SMYD3: variants seen among roughly 807,000 people sequenced by gnomAD.
The protein encoded by SMYD3 is histone-lysine N-methyltransferase SMYD3.
SMYD3 carries 36 observed loss-of-function variants against 57.7 expected under a neutral mutation model. The observed-to-expected ratio is 0.62, with a 90% CI of 0.48 to 0.82. The LOEUF is 0.82. SMYD3 is among the 40% of genes least tolerant of loss of function. The probability of loss-of-function intolerance (pLI) is 0.00; values close to 1 mark genes in which losing one functional copy is unlikely to be tolerated. For synonymous variants in SMYD3, 211 were observed against 195.0 expected (o/e 1.08, Z -0.68); for missense variants, 515 against 538.8 (o/e 0.96, Z 0.44).
chr1:245,850,630 A>G (rs9660049), intron 10 of SMYD3, among the ~76,000 whole-genome samples: 152,032 of 152,360 alleles, frequency 1, 75,854 homozygotes, highest in Middle Eastern at 1. Flanking sequence ...GAGCCCAGGA[A>G]GTAAACACTG....
chr1:246,051,437 T>C (rs67541391), intron 5 of SMYD3, among the ~76,000 whole-genome samples: 25,129 of 152,086 alleles, frequency 0.17, 2,575 homozygotes, highest in East Asian at 0.39. Flanking sequence ...AACTTATTTT[T>C]TAATATAACA....
intron 3 of SMYD3, among the ~76,000 whole-genome samples, chr1:246,335,091 T>C (rs546462955): frequency 1.8e-4 from 27 of 152,350 alleles, no homozygotes; most frequent in African/African-American, 6.0e-4. Context: ...CTAATGATCC[T>C]TAGCAGTTTT....
chr1:246,237,454 A>G (rs2063530607), intron 5 of SMYD3, among the ~76,000 whole-genome samples: 1 of 152,202 alleles, frequency 6.6e-6, no homozygotes, highest in South Asian at 2.1e-4. Flanking sequence ...GGGCTGCTGG[A>G]AATTCAAGGG....
chr1:246,293,293 G>T (rs551796475), intron 5 of SMYD3, among the ~76,000 whole-genome samples: 1 of 152,134 alleles, frequency 6.6e-6, no homozygotes, highest in East Asian at 1.9e-4. Context: ...TCATTCGCTT[G>T]CTACCTCATC....
At chr1:246,350,258 A>G (rs540499081) in intron 2 of SMYD3, among the ~76,000 whole-genome samples, 52 of 152,206 alleles carry the variant, frequency 3.4e-4, no homozygotes, top group Non-Finnish European at 6.0e-4. Context: ...TCTCTACTCC[A>G]TAACAGAAGC....
chr1:246,169,040 C>T (rs1329174196), intron 5 of SMYD3, among the ~76,000 whole-genome samples: 1 of 152,090 alleles, frequency 6.6e-6, no homozygotes. Flanking sequence ...TTTTACATTG[C>T]TTTAATATGA....
At chr1:246,363,518 T>G (rs927989486) in intron 1 of SMYD3, among the ~76,000 whole-genome samples, 3 of 152,202 alleles carry the variant, frequency 2.0e-5, no homozygotes, top group Non-Finnish European at 4.4e-5. Flanking sequence ...ATCGGATGGT[T>G]GCCGTGTCTG....
In SMYD3 at chr1:246,306,984, T is replaced by A. The variant is rs184319684; in HGVS notation, c.531+20217A>T. 3.2e-3 allele frequency among the ~76,000 whole-genome samples: 468 copies of A among 146,910 alleles called. 17 individuals are homozygous for A. The highest frequency in any genetic ancestry group is 0.021 in the East Asian group (92 of 4,458). On this transcript the variant is annotated intron_variant, in intron 5 of 11. Coordinates refer to ENST00000490107, the MANE Select transcript of SMYD3 (RefSeq NM_001167740.2). The stretch of plus-strand genomic sequence containing the variant: ...AAACATAGGGGAGGATGGGTTTTTC[T>A]TAAGAATGAAAAAAAAAACAACTCA...
At chr1:246,191,484 T>C (rs189389473) in intron 5 of SMYD3, among the ~76,000 whole-genome samples, 1 of 152,310 alleles carries the variant, frequency 6.6e-6, no homozygotes, top group African/African-American at 2.4e-5. Context: ...AAATTAGTCA[T>C]GTAACTGAAA....
intron 1 of SMYD3, among the ~76,000 whole-genome samples, chr1:246,409,604 T>C (rs557524632): frequency 6.6e-6 from 1 of 152,340 alleles, no homozygotes; most frequent in Non-Finnish European, 1.5e-5. Context: ...TGAAGTCAGG[T>C]AGCCTGATGC....
intron 5 of SMYD3, among the ~76,000 whole-genome samples, chr1:246,194,823 CACA>C (rs1310463860): frequency 2.6e-5 from 4 of 152,198 alleles, no homozygotes; most frequent in African/African-American, 7.2e-5. Context: ...AATTCTACGG[CACA>C]ACAATGATCT....
At chr1:246,397,496 G>A (rs765834402) in intron 1 of SMYD3, among the ~76,000 whole-genome samples, 7 of 152,090 alleles carry the variant, frequency 4.6e-5, no homozygotes, top group African/African-American at 7.2e-5. Flanking sequence ...TTTTAACACA[G>A]CTATCCTAAA....
chr1:246,428,305 A>G (rs868589562), intron 1 of SMYD3, among the ~76,000 whole-genome samples: 1 of 152,210 alleles, frequency 6.6e-6, no homozygotes, highest in Admixed American at 6.5e-5. Flanking sequence ...TTGAATTCAA[A>G]TTAGTCTCAG....
intron 8 of SMYD3, among the ~76,000 whole-genome samples, chr1:245,889,593 T>G (rs969946976): frequency 2.6e-5 from 4 of 152,190 alleles, no homozygotes; most frequent in South Asian, 4.1e-4. Flanking sequence ...CCCAAGGCAT[T>G]TTATTATTTG....
At chr1:245,940,392 G>A (rs58129144) in intron 5 of SMYD3, among the ~76,000 whole-genome samples, 6,676 of 152,178 alleles carry the variant, frequency 0.044, 479 homozygotes, top group African/African-American at 0.15. Flanking sequence ...GCTGGCATCA[G>A]GTCAGTGCCT....
chr1:246,314,423 C>T (rs1322861347), intron 5 of SMYD3, among the ~76,000 whole-genome samples: 8 of 152,068 alleles, frequency 5.3e-5, no homozygotes, highest in Non-Finnish European at 8.8e-5. Context: ...TGTGACCTTA[C>T]GCACTTTCTC....
At chr1:245,879,359 G>A (rs183503550) in intron 8 of SMYD3, among the ~76,000 whole-genome samples, 64 of 152,334 alleles carry the variant, frequency 4.2e-4, no homozygotes, top group Admixed American at 1.5e-3. Flanking sequence ...CGCAGTAACC[G>A]CTAAATGCAC....
intron 1 of SMYD3, among the ~76,000 whole-genome samples, chr1:246,402,898 A>C (rs1455545111): frequency 6.6e-6 from 1 of 152,222 alleles, no homozygotes; most frequent in East Asian, 1.9e-4. Context: ...ATAATTTAAA[A>C]TCATGAAAAT....
chr1:246,050,456 A>G (rs532519201), intron 5 of SMYD3, among the ~76,000 whole-genome samples: 1 of 152,348 alleles, frequency 6.6e-6, no homozygotes, highest in African/African-American at 2.4e-5. Context: ...AATATAAGGT[A>G]GTCTGCCTAG....
Sources: allele counts gnomAD v4.1 joint callset (sites outside exome capture counted in the v4.1 genomes callset), GRCh38; gene constraint gnomAD v4.1.1; transcripts MANE v1.5; gene names NCBI Gene and HGNC (gene_info 2026-07-23, HGNC 2026-07-21).